Variants in PTPRG observed in about 807,000 individuals in gnomAD.
The protein encoded by PTPRG is receptor-type tyrosine-protein phosphatase gamma.
In PTPRG, 102 loss-of-function variants were observed where a neutral mutation model predicts 165.3. The ratio of observed to expected loss-of-function variants is 0.62; its 90% CI spans 0.53 to 0.73. The LOEUF (loss-of-function observed/expected upper bound fraction) is 0.73, where lower values mean the gene tolerates loss of function less well. Ranked by LOEUF, PTPRG falls within the 30% of genes least tolerant of loss-of-function variation. PTPRG has a pLI of 0.00. For synonymous variants in PTPRG, 675 were observed against 669.5 expected (o/e 1.01, Z -0.13); for missense variants, 1,866 against 1,861.4 (o/e 1.00, Z -0.05).
intron 8 of PTPRG, among the ~76,000 whole-genome samples, chr3:62,178,434 G>T (rs1203406281): frequency 1.3e-5 from 2 of 152,208 alleles, no homozygotes; most frequent in African/African-American, 4.8e-5. Flanking sequence ...GGCATCTGAA[G>T]TAGGATGTCA....
chr3:62,084,812 C>A (rs1282524824), intron 5 of PTPRG, among the ~76,000 whole-genome samples: 3 of 152,140 alleles, frequency 2.0e-5, no homozygotes, highest in Non-Finnish European at 4.4e-5. Context: ...ATTTTACTTG[C>A]TTTCTTCTGC....
At chr3:62,079,013 G>A (rs533090291) in intron 5 of PTPRG, among the ~76,000 whole-genome samples, 33 of 152,204 alleles carry the variant, frequency 2.2e-4, no homozygotes, top group Non-Finnish European at 1.8e-4. Context: ...TTGACCTAGC[G>A]ACTACATAAA....
chr3:62,079,805 A>G (rs951539024), intron 5 of PTPRG, among the ~76,000 whole-genome samples: 1 of 152,214 alleles, frequency 6.6e-6, no homozygotes, highest in African/African-American at 2.4e-5. Context: ...TTTCAATCTC[A>G]GTATCCTTAT....
At chr3:61,975,321 T>A (rs74522725) in intron 2 of PTPRG, among the ~76,000 whole-genome samples, 7 of 152,258 alleles carry the variant, frequency 4.6e-5, no homozygotes, top group East Asian at 1.9e-4. Flanking sequence ...TTGAGAATTA[T>A]GTGAGATGAC....
chr3:61,929,894 G>A (rs191297217), intron 2 of PTPRG, among the ~76,000 whole-genome samples: 13 of 152,286 alleles, frequency 8.5e-5, no homozygotes, highest in Admixed American at 2.0e-4. Flanking sequence ...ACAGAGAGTC[G>A]TGGATAACAG....
In PTPRG at chr3:61,623,074, G is replaced by T. The variant is rs556400203; in HGVS notation, c.85+60702G>T. On this transcript the variant is annotated intron_variant, in intron 1 of 29. Transcript: ENST00000474889. ...CAGGCACATCAAGCTGATATCACAG[G>T]GTTTCCTTGATTGTAAACAATAGAA... Among the ~76,000 whole-genome samples the T allele has an allele frequency of 9.2e-5, 14 of 152,218 alleles. No individual in the cohort carries two copies. In the South Asian group the frequency reaches 2.5e-3, roughly 27 times the overall value.
intron 2 of PTPRG, among the ~76,000 whole-genome samples, chr3:61,876,234 T>A (rs1012959481): frequency 6.6e-6 from 1 of 152,216 alleles, no homozygotes; most frequent in South Asian, 2.1e-4. Context: ...TGTACTCCTT[T>A]GTCAAGATCA....
At chr3:62,074,246 A>G (rs2106738962) in intron 4 of PTPRG, among the ~76,000 whole-genome samples, 1 of 151,816 alleles carries the variant, frequency 6.6e-6, no homozygotes, top group Non-Finnish European at 1.5e-5. Flanking sequence ...TATAGTATAA[A>G]TAATTGGTGA....
At chr3:62,030,039 A>G (rs1699711687) in intron 4 of PTPRG, among the ~76,000 whole-genome samples, 1 of 152,276 alleles carries the variant, frequency 6.6e-6, no homozygotes, top group South Asian at 2.1e-4. Flanking sequence ...TATTGTTTGC[A>G]ATTTGCCTCT....
chr3:61,710,258 A>G (rs941095439), intron 1 of PTPRG, among the ~76,000 whole-genome samples: 1 of 152,166 alleles, frequency 6.6e-6, no homozygotes, highest in African/African-American at 2.4e-5. Context: ...TTTAATCTTA[A>G]ATGTGGTTAG....
At chr3:62,050,269 G>T (rs1319398713) in intron 4 of PTPRG, among the ~76,000 whole-genome samples, 1 of 152,116 alleles carries the variant, frequency 6.6e-6, no homozygotes, top group Non-Finnish European at 1.5e-5. Context: ...TATTTTTACT[G>T]TACCTGTTCT....
intron 4 of PTPRG, among the ~76,000 whole-genome samples, chr3:62,043,610 A>G (rs555850716): frequency 2.0e-5 from 3 of 152,350 alleles, no homozygotes; most frequent in East Asian, 3.9e-4. Flanking sequence ...ATATGCGGCA[A>G]TTCAGAGAAA....
chr3:61,684,337 C>T (rs1161756847), intron 1 of PTPRG, among the ~76,000 whole-genome samples: 1 of 152,154 alleles, frequency 6.6e-6, no homozygotes, highest in Non-Finnish European at 1.5e-5. Context: ...GTATGTGGCT[C>T]ATTAGGGAGC....
At chr3:61,572,271 C>A (rs1413027133) in intron 1 of PTPRG, among the ~76,000 whole-genome samples, 3 of 152,012 alleles carry the variant, frequency 2.0e-5, no homozygotes, top group African/African-American at 4.8e-5. Flanking sequence ...AAACATGAAA[C>A]CTTATTTCTT....
chr3:61,620,318 A>T (rs2106897351), intron 1 of PTPRG, among the ~76,000 whole-genome samples: 1 of 152,324 alleles, frequency 6.6e-6, no homozygotes. Context: ...ATCTTTCAAA[A>T]AAAATTTTAT....
At chr3:61,725,531 CCTT>C (rs1266068172) in intron 1 of PTPRG, among the ~76,000 whole-genome samples, 3 of 152,150 alleles carry the variant, frequency 2.0e-5, no homozygotes, top group African/African-American at 4.8e-5. Context: ...CTGTGGGTCT[CCTT>C]CTGGGTTCTC....
intron 1 of PTPRG, among the ~76,000 whole-genome samples, chr3:61,671,983 G>C (rs1470144192): frequency 1.0e-4 from 14 of 133,370 alleles, no homozygotes; most frequent in African/African-American, 1.5e-4. Context: ...GCTGGGCGGA[G>C]GGGCTCCTCA....
intron 1 of PTPRG, among the ~76,000 whole-genome samples, chr3:61,636,880 G>A (rs374880248): frequency 6.6e-6 from 1 of 152,102 alleles, no homozygotes; most frequent in Non-Finnish European, 1.5e-5. Flanking sequence ...CATACTGTTG[G>A]TATTAGTCTG....
intron 1 of PTPRG, among the ~76,000 whole-genome samples, chr3:61,615,594 G>T (rs1701278034): frequency 6.6e-6 from 1 of 152,128 alleles, no homozygotes; most frequent in Admixed American, 6.5e-5. Context: ...AGTGTGTTTT[G>T]AGCAGGTACT....
Sources: gnomAD v4.1 joint callset for allele counts (sites outside exome capture counted in the v4.1 genomes callset) on GRCh38, gnomAD v4.1.1 for gene constraint, MANE v1.5 for transcripts, NCBI Gene and HGNC (gene_info 2026-07-23, HGNC 2026-07-21) for gene names.